CENPK: variants seen among roughly 807,000 people sequenced by gnomAD.
CENPK encodes the protein centromere protein K, also known as SoxLZ/Sox6-binding protein Solt.
In CENPK, 46 loss-of-function variants were observed where a neutral mutation model predicts 40.9. That is an observed-to-expected ratio of 1.13 (90% confidence interval 0.89 to 1.44). The LOEUF (loss-of-function observed/expected upper bound fraction) is 1.44, where lower values mean the gene tolerates loss of function less well. CENPK is among the 40% of genes most tolerant of loss of function. CENPK has a pLI of 0.00. For synonymous variants in CENPK, 107 were observed against 104.4 expected, an observed-to-expected ratio of 1.02 and a Z score of -0.15; for missense variants, 288 against 303.5, an observed-to-expected ratio of 0.95 and a Z score of 0.38.
chr5:65,535,006 C>T (rs1298664710), intron 6 of CENPK, among the ~76,000 whole-genome samples: 4 of 152,032 alleles, frequency 2.6e-5, no homozygotes, highest in Non-Finnish European at 5.9e-5. Flanking sequence ...TCACTTGAGC[C>T]CAGGAGTGCA....
At chr5:65,524,881 A>G (rs904579929) in intron 9 of CENPK, among the ~76,000 whole-genome samples, 1 of 152,224 alleles carries the variant, frequency 6.6e-6, no homozygotes, top group East Asian at 1.9e-4. Context: ...AGCAGAGTCA[A>G]TAACTGCCTA....
downstream of CENPK, chr5:65,517,726 A>G (rs1742981336): frequency 6.6e-6 from 1 of 152,180 alleles, no homozygotes; most frequent in Non-Finnish European, 1.5e-5. Flanking sequence ...CCTTTAAAAA[A>G]CATTTGCTAC....
chr5:65,543,744 T>C (rs1047461757), intron 5 of CENPK, among the ~76,000 whole-genome samples: 3 of 152,184 alleles, frequency 2.0e-5, no homozygotes, highest in African/African-American at 7.2e-5. Context: ...TTTATACACG[T>C]TTTTATGTAC....
chr5:65,557,580 A>G (rs760090268), intron 2 of CENPK, among the ~76,000 whole-genome samples: 9 of 152,104 alleles, frequency 5.9e-5, no homozygotes, highest in Non-Finnish European at 1.0e-4. Flanking sequence ...AGGTTCCCAG[A>G]CAAACGCTGG....
intron 9 of CENPK, chr5:65,524,680 C>CAA (rs753826622): frequency 5.1e-5 from 6 of 117,264 alleles, no homozygotes; most frequent in Admixed American, 8.8e-5. Context: ...GACTCCATCT[C>CAA]AAAAAAAAAA....
chr5:65,522,169 C>T (rs1743886781), intron 9 of CENPK, among the ~76,000 whole-genome samples: 1 of 152,048 alleles, frequency 6.6e-6, no homozygotes, highest in Non-Finnish European at 1.5e-5. Flanking sequence ...ATAAAAACTC[C>T]CCAAATGACA....
chr5:65,557,292 TACTC>T (rs1406366561), intron 2 of CENPK, among the ~76,000 whole-genome samples: 1 of 152,212 alleles, frequency 6.6e-6, no homozygotes, highest in Non-Finnish European at 1.5e-5. Context: ...TTTCTAAAAA[TACTC>T]ACAGCAATAT....
At chr5:65,548,168 C>A (rs900450618) in intron 5 of CENPK, among the ~76,000 whole-genome samples, 6 of 152,176 alleles carry the variant, frequency 3.9e-5, no homozygotes, top group Non-Finnish European at 7.3e-5. Context: ...TGGTTCTAGA[C>A]CACCACACTA....
intron 2 of CENPK, among the ~76,000 whole-genome samples, chr5:65,555,531 T>C (rs1182690302): frequency 6.6e-6 from 1 of 152,166 alleles, no homozygotes; most frequent in Non-Finnish European, 1.5e-5. Context: ...GAGGAATGAA[T>C]CATTTGAATT....
chr5:65,533,766 GGT>G (rs1746332028), intron 6 of CENPK, among the ~76,000 whole-genome samples: 3 of 151,980 alleles, frequency 2.0e-5, no homozygotes, highest in African/African-American at 4.8e-5. Context: ...TTTAAGGCCG[GGT>G]GCAGTGCCTC....
the CENPK span, among the ~76,000 whole-genome samples, chr5:65,498,817 T>A: frequency 6.6e-6 from 1 of 151,734 alleles, no homozygotes; most frequent in East Asian, 1.9e-4. Flanking sequence ...ACACCACGCC[T>A]GGCTAATTTA....
chr5:65,549,061 A>G (rs949929267), intron 5 of CENPK, among the ~76,000 whole-genome samples: 1 of 152,236 alleles, frequency 6.6e-6, no homozygotes, highest in Non-Finnish European at 1.5e-5. Context: ...TTCTTAAATA[A>G]TAAGACTTCA....
At chr5:65,532,298 C>T (rs1300844357) in intron 6 of CENPK, among the ~76,000 whole-genome samples, 1 of 151,944 alleles carries the variant, frequency 6.6e-6, no homozygotes, top group Non-Finnish European at 1.5e-5. Flanking sequence ...AAATTTTAGG[C>T]CCAGATGGTT....
At chr5:65,520,033 T>G (rs1414372347) in intron 10 of CENPK, among the ~76,000 whole-genome samples, 1 of 152,166 alleles carries the variant, frequency 6.6e-6, no homozygotes, top group African/African-American at 2.4e-5. Flanking sequence ...TTTAGGTGTG[T>G]CCCCTACCAA....
At chr5:65,546,353 TAGG>T (rs1261739443) in intron 5 of CENPK, among the ~76,000 whole-genome samples, 1 of 135,080 alleles carries the variant, frequency 7.4e-6, no homozygotes, top group African/African-American at 2.7e-5. Context: ...AAAAAGAATC[TAGG>T]AGGACTCTTA....
intron 9 of CENPK, among the ~76,000 whole-genome samples, chr5:65,523,768 GA>G (rs1190487840): frequency 1.4e-4 from 22 of 152,098 alleles, no homozygotes; most frequent in African/African-American, 5.3e-4. Flanking sequence ...AACTGATATT[GA>G]ATAACCAACA....
At chr5:65,520,496 C>A (rs1295745057) in intron 10 of CENPK, among the ~76,000 whole-genome samples, 2 of 151,778 alleles carry the variant, frequency 1.3e-5, no homozygotes, top group African/African-American at 4.8e-5. Flanking sequence ...ATTTCCATGA[C>A]TGACAATTTT....
the CENPK span, among the ~76,000 whole-genome samples, chr5:65,511,808 C>T: frequency 6.6e-6 from 1 of 152,182 alleles, no homozygotes; most frequent in Non-Finnish European, 1.5e-5. Flanking sequence ...AAACCATCCC[C>T]CCAGCCCCAC....
chr5:65,531,523 G>T lies in CENPK; in HGVS notation c.289-2324C>A, dbSNP rs867592197. On this transcript the variant is annotated intron_variant, in intron 6 of 10. Coordinates refer to ENST00000396679, the MANE Select transcript of CENPK (RefSeq NM_022145.5). ...CTAAAAATCTATTTTTTTTTTTTTT[G>T]AGACGGAATCTCGCTCTGTCGTTAG... Among the ~76,000 whole-genome samples, 237 of 97,750 alleles carry T rather than the reference G, an allele frequency of 2.4e-3. 1 individual carries two copies. The Middle Eastern group carries it at 0.054, about 22-fold the overall frequency. 64.1% of individuals were successfully genotyped at this position (97,750 alleles called of 152,430 possible).
Sources: allele counts gnomAD v4.1 joint callset (sites outside exome capture counted in the v4.1 genomes callset), GRCh38; gene constraint gnomAD v4.1.1; transcripts MANE v1.5; gene names NCBI Gene and HGNC (gene_info 2026-07-23, HGNC 2026-07-21).